CYP2B6: variants seen among roughly 807,000 people sequenced by gnomAD.
CYP2B6 encodes the protein cytochrome P450 2B6.
Under a neutral mutation model 43.4 loss-of-function variants are expected in CYP2B6, and 35 were observed. The observed-to-expected ratio is 0.81, with a 90% CI of 0.62 to 1.07. The LOEUF (loss-of-function observed/expected upper bound fraction) is 1.07. Among genes scored for constraint, CYP2B6 ranks in the 50% least tolerant of loss-of-function variants. The pLI, the probability that CYP2B6 is intolerant of heterozygous loss-of-function variation, is 0.00. For synonymous variants in CYP2B6, 239 were observed against 239.2 expected (o/e 1.00, Z 0.01); for missense variants, 624 against 632.8 (o/e 0.99, Z 0.15).
At position 41,012,654 on chromosome 19, in the gene CYP2B6, A is replaced by C; in HGVS notation, c.1153-20A>C. 6.2e-7 allele frequency: 1 copy of C among 1,613,500 alleles called. No homozygotes were observed. The highest frequency in any genetic ancestry group is 8.5e-7 in the Non-Finnish European group (1 of 1,179,882). ...TTGGAGGGAATGGCAATATCTTTTG[A>C]TCTTGTGATCCTCCCTCAGGACACA... On this transcript the variant is annotated intron_variant, in intron 7 of 8. Transcript: ENST00000324071.
chr19:41,007,264 T>G, intron 4 of CYP2B6, 199 bp downstream of exon 4: 1 of 593,560 alleles, frequency 1.7e-6, no homozygotes, highest in Non-Finnish European at 3.0e-6. Flanking sequence ...AGAGAGAGAA[T>G]GAGGCGTGAT....
chr19:41,009,952 GCCTCCCCTGAC>G (rs779554310), intron 5 of CYP2B6, 31 bp from the exon 6 acceptor site: 1 of 1,613,334 alleles, frequency 6.2e-7, no homozygotes, highest in Admixed American at 1.7e-5. Flanking sequence ...CAAGGCTACA[GCCTCCCCTGAC>G]CCTCCCCTTC....
chr19:41,006,390 C>T (rs1282104278), intron 3 of CYP2B6, among the ~76,000 whole-genome samples: 1 of 141,318 alleles, frequency 7.1e-6, no homozygotes, highest in Non-Finnish European at 1.5e-5. Flanking sequence ...TCTTGAATTC[C>T]TGATCCTTTT....
intron 1 of CYP2B6, among the ~76,000 whole-genome samples, chr19:40,997,867 A>C (rs907947374): frequency 2.0e-5 from 3 of 152,112 alleles, no homozygotes; most frequent in Admixed American, 1.3e-4. Flanking sequence ...TGGGAGGCTG[A>C]GGTGGGAGGA....
rs1443848166 is a variant in CYP2B6, at chr19:41,012,332, C to T, written c.999C>T (p.Gly333=). The T allele has an allele frequency of 3.1e-6, 5 of 1,613,970 alleles. No individual in the cohort carries two copies. The highest frequency in any genetic ancestry group is 2.2e-5 in the East Asian group (1 of 44,882). ...RVYREIEQVI[G]PHRPPELHDR... is the part of the protein sequence containing the mutation. ...ACAGGGAGATTGAACAGGTGATTGG[C>T]CCACATCGCCCTCCAGAGCTTCATG... Residue 333 remains glycine, a synonymous_variant, in exon 7 of 9, where the codon GGC becomes GGT. Transcript: ENST00000324071.
At position 41,012,397 on chromosome 19, in the gene CYP2B6, A is replaced by C; in HGVS notation, c.1064A>C (p.Glu355Ala). ...KMPYTEAVIY[E>A]IQRFSDLLPM... ...CCATACACAGAGGCAGTCATCTATG[A>C]GATTCAGAGATTTTCCGACCTTCTC... Residue 355 changes from glutamate (E) to alanine (A), a missense_variant, in exon 7 of 9, where the codon GAG (glutamate) becomes GCG (alanine). Coordinates refer to ENST00000324071, the MANE Select transcript of CYP2B6 (RefSeq NM_000767.5). 2 of 1,614,092 alleles carry C rather than the reference A, an allele frequency of 1.2e-6. No homozygotes were observed. Among genetic ancestry groups the C allele is most frequent in the Non-Finnish European group, 1.7e-6 (2 of 1,180,004 alleles).
At position 41,012,765 on chromosome 19, in the gene CYP2B6, A is replaced by T. The variant is rs1969305613; in HGVS notation, c.1244A>T (p.Asp415Val). The change falls in exon 8 of 9, where the codon GAT becomes GTT. Residue 415 changes from aspartate to valine, a missense_variant. Physicochemically the swap from Asp to Val is radical, Grantham distance 152. Transcript: ENST00000324071. ...PDAFNPDHFL[D>V]ANGALKKTEA... ...GCCTTCAATCCTGACCACTTTCTGG[A>T]TGCCAATGGGGCACTGAAAAAGACT... 6.2e-7 allele frequency: 1 copy of T among 1,614,028 alleles called. No homozygotes were observed. The highest frequency in any genetic ancestry group is 8.5e-7 in the Non-Finnish European group (1 of 1,180,036).
In CYP2B6 at chr19:41,010,111, A is replaced by T; in HGVS notation, c.940A>T (p.Met314Leu). 1 of 1,613,610 alleles carries T rather than the reference A, an allele frequency of 6.2e-7. No homozygotes were observed. The highest frequency in any genetic ancestry group is 8.5e-7 in the Non-Finnish European group (1 of 1,179,916). The change falls in exon 6 of 9, where the codon ATG (methionine) becomes TTG (leucine). Residue 314 changes from methionine (M) to leucine (L), a missense_variant. Met to Leu is a conservative substitution (Grantham distance 15, BLOSUM62 2). Transcript: ENST00000324071. ...CACTCTCCGCTACGGCTTCCTGCTCATGCTCAAATACCCTCATGTTGCAGG... is the reference window on the plus strand; with the variant it reads ...CACTCTCCGCTACGGCTTCCTGCTCTTGCTCAAATACCCTCATGTTGCAGG... The part of the protein sequence containing the change: ...STTLRYGFLL[M>L]LKYPHVAERV...
At position 40,995,219 on chromosome 19, in the gene CYP2B6, G is replaced by C. The variant is rs138265556; in HGVS notation, c.171+3743G>C. 2.0e-3 allele frequency among the ~76,000 whole-genome samples: 303 copies of C among 152,250 alleles called. 2 individuals are homozygous for C. Among genetic ancestry groups the C allele is most frequent in the African/African-American group, 6.8e-3 (283 of 41,514 alleles). On this transcript the variant is annotated intron_variant, in intron 1 of 8. Transcript: ENST00000324071. The stretch of plus-strand genomic sequence containing the variant: ...CTTGATCCACAATCTTGGAAAAGCT[G>C]TCCGCATATAAGATGCCAACTGCTT...
At chr19:41,005,096 A>G (rs1213276823) in intron 3 of CYP2B6, among the ~76,000 whole-genome samples, 3 of 152,182 alleles carry the variant, frequency 2.0e-5, no homozygotes, top group Admixed American at 6.5e-5. Context: ...AACTACAGAC[A>G]TTTAACAAAT....
Position 40,991,282 on chromosome 19 carries a change from G to A in CYP2B6, c.-24G>A, listed in dbSNP as rs2144653706. 5 of 1,613,994 alleles carry A rather than the reference G, an allele frequency of 3.1e-6. No homozygotes were observed. The highest frequency in any genetic ancestry group is 4.2e-6 in the Non-Finnish European group (5 of 1,179,978). ...AGGCCCAGTTGGAGGCTGCAGCAGG[G>A]TGCAGGGCAGTCAGACCAGGACCAT... On this transcript the variant is annotated 5_prime_UTR_variant, in exon 1 of 9. The change creates a new upstream start codon in the 5' untranslated region. Transcript: ENST00000324071.
intron 1 of CYP2B6, among the ~76,000 whole-genome samples, chr19:40,992,443 C>A (rs2099361): frequency 0.75 from 113,415 of 151,954 alleles, 43,673 homozygotes; most frequent in African/African-American, 0.94. Flanking sequence ...GATTCTTTAC[C>A]TTTTCTTCAT....
chr19:41,006,324 C>CCT (rs1555792881), intron 3 of CYP2B6, among the ~76,000 whole-genome samples: 1 of 75,050 alleles, frequency 1.3e-5, no homozygotes, highest in Non-Finnish European at 2.5e-5. Flanking sequence ...TGTCTAGCTA[C>CCT]ATTTTTTTTT....
intron 1 of CYP2B6, among the ~76,000 whole-genome samples, chr19:40,996,820 T>C (rs1216315790): frequency 6.6e-6 from 1 of 152,092 alleles, no homozygotes; most frequent in African/African-American, 2.4e-5. Flanking sequence ...ATACAATGAG[T>C]TGCAATTTAT....
chr19:41,011,836 T>TC (rs1969289488), intron 6 of CYP2B6, among the ~76,000 whole-genome samples: 1 of 152,102 alleles, frequency 6.6e-6, no homozygotes. Context: ...TCCTCCCTCC[T>TC]CCCCTCACCC....
intron 4 of CYP2B6, 32 bp downstream of exon 4, chr19:41,007,097 G>A (rs573769056): frequency 1.2e-6 from 2 of 1,610,818 alleles, no homozygotes; most frequent in African/African-American, 1.3e-5. Context: ...AGGGGGTGTG[G>A]GGGTGAGGTG....
intron 1 of CYP2B6, among the ~76,000 whole-genome samples, chr19:41,000,954 G>T (rs924962893): frequency 6.6e-6 from 1 of 152,042 alleles, no homozygotes; most frequent in Admixed American, 6.6e-5. Flanking sequence ...CAGGAGAATT[G>T]CTTGAACCCA....
At position 41,006,889 on chromosome 19, in the gene CYP2B6, T is replaced by A. The variant is rs1357900761; in HGVS notation, c.485-16T>A. On this transcript the variant is annotated splice_polypyrimidine_tract_variant and intron_variant, in intron 3 of 8. Coordinates refer to ENST00000324071, the MANE Select transcript of CYP2B6 (RefSeq NM_000767.5). ...GGCACTTCAGTCTGTGTCCTTGACC[T>A]GCTGCTTCTTCCTAGGGGCCCTCAT... 1 of 1,612,402 alleles carries A rather than the reference T, an allele frequency of 6.2e-7. No individual in the cohort carries two copies. The highest frequency in any genetic ancestry group is 8.5e-7 in the Non-Finnish European group (1 of 1,179,706).
intron 6 of CYP2B6, 128 bp downstream of exon 6, chr19:41,010,263 G>C: frequency 8.5e-7 from 1 of 1,176,032 alleles, no homozygotes; most frequent in Non-Finnish European, 1.2e-6. Flanking sequence ...TGTAGGCTCT[G>C]GGCTAGATTC....
Sources: gnomAD v4.1 joint callset for allele counts (sites outside exome capture counted in the v4.1 genomes callset) on GRCh38, gnomAD v4.1.1 for gene constraint, MANE v1.5 for transcripts, NCBI Gene and HGNC (gene_info 2026-07-23, HGNC 2026-07-21) for gene names.